The following RPH3AL variants were observed in gnomAD, a reference collection of about 807,000 sequenced individuals.
The protein encoded by RPH3AL is rab effector Noc2.
A neutral mutation model predicts 43.1 loss-of-function variants in RPH3AL; 38 were observed. The ratio of observed to expected loss-of-function variants is 0.88; its 90% confidence interval spans 0.68 to 1.15. The LOEUF (loss-of-function observed/expected upper bound fraction) is 1.15, where lower values mean the gene tolerates loss of function less well. Among genes scored for constraint, RPH3AL ranks in the 50% most tolerant of loss-of-function variants. RPH3AL has a pLI of 0.00. For synonymous variants in RPH3AL, 189 were observed against 176.3 expected (o/e 1.07, Z -0.57); for missense variants, 462 against 423.2 (o/e 1.09, Z -0.81).
intron 1 of RPH3AL, among the ~76,000 whole-genome samples, chr17:343,925 T>TGATCAC (rs1319033031): frequency 1.2e-4 from 2 of 17,304 alleles, no homozygotes; most frequent in Non-Finnish European, 3.2e-4. Flanking sequence ...GCCATCCTCA[T>TGATCAC]CATCACCATC....
intron 1 of RPH3AL, among the ~76,000 whole-genome samples, chr17:339,346 A>G (rs914910127): frequency 6.6e-6 from 1 of 152,228 alleles, no homozygotes; most frequent in Non-Finnish European, 1.5e-5. Flanking sequence ...CAGAGAAGAC[A>G]GGCAGGGGGA....
chr17:268,234 G>A (rs542646411), intron 6 of RPH3AL, among the ~76,000 whole-genome samples: 8 of 151,842 alleles, frequency 5.3e-5, no homozygotes, highest in Non-Finnish European at 1.2e-4. Context: ...TCATCTCCCC[G>A]TCACCCCTGT....
rs74877640 is a variant in RPH3AL, at chr17:290,617, C to T, written c.352-8763G>A. On this transcript the variant is annotated intron_variant, in intron 5 of 9. Transcript: ENST00000331302. This position sits in a 1 kb window ranked among gnomAD's most constrained non-coding sequence, Gnocchi z 4.2. ...CAGATGGCACCCAAGAGTCACAATG[C>T]GACAGAAGGTTCTGCTGGGCCACTC... 3.9e-5 allele frequency among the ~76,000 whole-genome samples: 6 copies of T among 152,134 alleles called. No individual in the cohort carries two copies. The highest frequency in any genetic ancestry group is 1.9e-4 in the East Asian group (1 of 5,172).
chr17:328,043 T>G lies in RPH3AL; in HGVS notation c.-36-464A>C, dbSNP rs2044658482. ...CCTTTCCCAAACCTGGGGACCTGGC[T>G]CTCCTTCCCAACAGACTCACACCGA... On this transcript the variant is annotated intron_variant, in intron 2 of 9. Transcript: ENST00000331302. The surrounding 1 kb of genome is among the most constrained non-coding windows in gnomAD (Gnocchi z 4.2). Among the ~76,000 whole-genome samples, 3 of 151,162 alleles carry G rather than the reference T, an allele frequency of 2.0e-5. No individual in the cohort carries two copies. The highest frequency in any genetic ancestry group is 4.4e-5 in the Non-Finnish European group (3 of 67,946).
In RPH3AL at chr17:320,596, A is replaced by G. The variant is rs75846273; in HGVS notation, c.221+676T>C. The stretch of plus-strand genomic sequence containing the variant: ...TGAGGCTGCAGTGATCTGTGATAGC[A>G]CCACTGCATTCTAATCTACACTGCA... On this transcript the variant is annotated intron_variant, in intron 4 of 9. Transcript: ENST00000331302. Among the ~76,000 whole-genome samples, 249 of 151,978 alleles carry G rather than the reference A, an allele frequency of 1.6e-3. No individual in the cohort carries two copies. In the East Asian group the frequency reaches 0.018, roughly 11 times the overall value.
At chr17:278,855 G>A (rs868228592) in intron 6 of RPH3AL, among the ~76,000 whole-genome samples, 6 of 152,104 alleles carry the variant, frequency 3.9e-5, no homozygotes, top group South Asian at 2.1e-4. Context: ...TCACACTGCC[G>A]CCTGGTGAAA....
In RPH3AL at chr17:283,220, C is replaced by A. The variant is rs755880872; in HGVS notation, c.352-1366G>T. ...TTGCTTGGCCTTTTCTGCAGGCTGC[C>A]AACTCAGCAAGGAGCACGTCTCTCC... On this transcript the variant is annotated intron_variant, in intron 5 of 9. Coordinates refer to ENST00000331302, the MANE Select transcript of RPH3AL (RefSeq NM_006987.4). This position sits in a 1 kb window ranked among gnomAD's most constrained non-coding sequence, Gnocchi z 4.2. Among the ~76,000 whole-genome samples the A allele has an allele frequency of 2.6e-5, 4 of 152,146 alleles. No homozygotes were observed. The highest frequency in any genetic ancestry group is 5.9e-5 in the Non-Finnish European group (4 of 68,026).
chr17:299,528 G>A (rs2043268714), intron 5 of RPH3AL, among the ~76,000 whole-genome samples: 1 of 152,166 alleles, frequency 6.6e-6, no homozygotes, highest in Non-Finnish European at 1.5e-5. Context: ...CAGAAGAGCT[G>A]CCCCCCGTGT....
At chr17:347,669 C>T (rs928113728) in intron 1 of RPH3AL, among the ~76,000 whole-genome samples, 1 of 152,114 alleles carries the variant, frequency 6.6e-6, no homozygotes, top group African/African-American at 2.4e-5. Flanking sequence ...AATCACATTC[C>T]TTGGTATATG....
chr17:263,926 A>G (rs1220507486), intron 6 of RPH3AL, among the ~76,000 whole-genome samples: 1 of 152,104 alleles, frequency 6.6e-6, no homozygotes, highest in African/African-American at 2.4e-5. Context: ...TTCAAGGGGG[A>G]ACCAAAGTTT....
intron 6 of RPH3AL, among the ~76,000 whole-genome samples, chr17:272,686 A>G (rs536294843): frequency 4.9e-4 from 74 of 151,242 alleles, no homozygotes; most frequent in African/African-American, 1.3e-3. Flanking sequence ...CAGCACACCA[A>G]CATGGCACAG....
At chr17:299,783 A>G (rs980446908) in intron 5 of RPH3AL, among the ~76,000 whole-genome samples, 3 of 152,226 alleles carry the variant, frequency 2.0e-5, no homozygotes, top group African/African-American at 7.2e-5. Flanking sequence ...GGCTGCACAA[A>G]ATTACCGCGC....
intron 8 of RPH3AL, among the ~76,000 whole-genome samples, chr17:217,180 C>T (rs543085649): frequency 1.0e-3 from 146 of 146,472 alleles, no homozygotes; most frequent in African/African-American, 3.5e-3. Flanking sequence ...TTCTTCTGCG[C>T]TAAAATTGGC....
chr17:327,552 G>A lies in RPH3AL; in HGVS notation c.-9C>T. The A allele has an allele frequency of 6.2e-7, 1 of 1,613,420 alleles. No individual in the cohort carries two copies. Among genetic ancestry groups the A allele is most frequent in the Middle Eastern group, 1.7e-4 (1 of 6,058 alleles). On this transcript the variant is annotated 5_prime_UTR_variant, in exon 3 of 10. Transcript: ENST00000331302. ...AAGATGGTGTCGGCCATGGCTCGGA[G>A]CACCCGGCTGGGGGTGGGGAGTCAC...
chr17:345,814 C>T (rs550534585), intron 1 of RPH3AL, among the ~76,000 whole-genome samples: 2 of 129,522 alleles, frequency 1.5e-5, no homozygotes, highest in South Asian at 2.6e-4. Context: ...CTGAGGCAAG[C>T]GTGCTCCCCA....
At chr17:329,346 A>T (rs528284251) in intron 2 of RPH3AL, among the ~76,000 whole-genome samples, 2 of 151,992 alleles carry the variant, frequency 1.3e-5, no homozygotes, top group African/African-American at 4.8e-5. Context: ...TGTGGTGGCG[A>T]GTGCCTGTAA....
At position 286,189 on chromosome 17, in the gene RPH3AL, C is replaced by G. The variant is rs868499469; in HGVS notation, c.352-4335G>C. ...CTGAGTCCTGTCCTCTACTCACAGACCACGAGGACGCGGAGCCAACGGATC... is the reference window on the plus strand; with the variant it reads ...CTGAGTCCTGTCCTCTACTCACAGAGCACGAGGACGCGGAGCCAACGGATC... On this transcript the variant is annotated intron_variant, in intron 5 of 9. Coordinates refer to ENST00000331302, the MANE Select transcript of RPH3AL (RefSeq NM_006987.4). Among the ~76,000 whole-genome samples, 20 of 152,200 alleles carry G rather than the reference C, an allele frequency of 1.3e-4. 1 individual carries two copies. The highest frequency in any genetic ancestry group is 3.2e-3 in the Middle Eastern group (1 of 316).
chr17:307,837 G>T (rs1449369031), intron 5 of RPH3AL, among the ~76,000 whole-genome samples: 2 of 152,206 alleles, frequency 1.3e-5, no homozygotes, highest in Admixed American at 1.3e-4. Context: ...CCACACGCAG[G>T]CCTCAAGACA....
In RPH3AL at chr17:219,868, T is replaced by TG. The variant is rs1454275200; in HGVS notation, c.614-133dup. 7.6e-6 allele frequency: 5 copies of TG among 657,422 alleles called. No homozygotes were observed. In the East Asian group the frequency reaches 1.3e-4, roughly 18 times the overall value. The allele number at this position is 657,422 out of a possible 1,614,324, so 40.7% of individuals were successfully genotyped here. On this transcript the variant is annotated intron_variant, in intron 7 of 9. Transcript: ENST00000331302. The stretch of plus-strand genomic sequence containing the variant: ...AGCAGCTCAGCTGGCCCTTTCGCTT[T>TG]GGGCAGAAGAAATAATGGCCTGGGG...
Sources: gnomAD v4.1 joint callset for allele counts (sites outside exome capture counted in the v4.1 genomes callset) on GRCh38, gnomAD v4.1.1 for gene constraint, Gnocchi (gnomAD v3.1) non-coding constraint, MANE v1.5 for transcripts, NCBI Gene and HGNC (gene_info 2026-07-23, HGNC 2026-07-21) for gene names.